Variants in FAM13A observed in about 807,000 individuals in gnomAD.
The protein encoded by FAM13A is protein FAM13A.
A neutral mutation model predicts 129.6 loss-of-function variants in FAM13A; 76 were observed. The observed-to-expected ratio is 0.59, with a 90% confidence interval of 0.49 to 0.71. The LOEUF is 0.71. Ranked by LOEUF, FAM13A falls within the 30% of genes least tolerant of loss-of-function variation. FAM13A has a pLI of 0.00. For synonymous variants in FAM13A, 443 were observed against 449.9 expected, an observed-to-expected ratio of 0.98 and a Z score of 0.20; for missense variants, 1,108 against 1,249.3, an observed-to-expected ratio of 0.89 and a Z score of 1.70.
intron 21 of FAM13A, 54 bp from the exon 22 acceptor site, chr4:88,732,252 T>G (rs1737989271): frequency 7.7e-7 from 1 of 1,293,282 alleles, no homozygotes; most frequent in Non-Finnish European, 1.1e-6. Flanking sequence ...GGGGCAGACT[T>G]TCATTACAAG....
intron 1 of FAM13A, among the ~76,000 whole-genome samples, chr4:89,046,608 G>A (rs1232471689): frequency 6.6e-6 from 1 of 152,168 alleles, no homozygotes; most frequent in Non-Finnish European, 1.5e-5. Flanking sequence ...CTAGTGCTTT[G>A]GGAGGCCAAG....
chr4:88,852,959 C>A (rs573455353), intron 6 of FAM13A, among the ~76,000 whole-genome samples: 1 of 152,048 alleles, frequency 6.6e-6, no homozygotes, highest in Non-Finnish European at 1.5e-5. Context: ...AAACAACACA[C>A]GCAAACAAAA....
intron 7 of FAM13A, among the ~76,000 whole-genome samples, chr4:88,844,868 C>G (rs1447249753): frequency 6.6e-6 from 1 of 152,066 alleles, no homozygotes; most frequent in East Asian, 1.9e-4. Context: ...CTGGCTATGA[C>G]TGGATGACAG....
At chr4:88,938,312 T>C (rs1199176346) in intron 4 of FAM13A, 71 bp from the exon 5 acceptor site, 4 of 1,238,168 alleles carry the variant, frequency 3.2e-6, no homozygotes, top group African/African-American at 3.0e-5. Context: ...GACTCAGACT[T>C]GTATTTTGAA....
chr4:89,032,122 T>G (rs1006179723), intron 1 of FAM13A, among the ~76,000 whole-genome samples: 1 of 152,008 alleles, frequency 6.6e-6, no homozygotes, highest in Non-Finnish European at 1.5e-5. Context: ...TGGGCACCTG[T>G]AGTCCCAGCA....
intron 2 of FAM13A, among the ~76,000 whole-genome samples, chr4:89,021,999 G>A (rs1479454656): frequency 6.6e-6 from 1 of 152,172 alleles, no homozygotes; most frequent in African/African-American, 2.4e-5. Flanking sequence ...TCAGGCAGTA[G>A]AGGACTTTGA....
chr4:88,745,829 C>A (rs558698457), intron 19 of FAM13A, among the ~76,000 whole-genome samples: 1 of 151,752 alleles, frequency 6.6e-6, no homozygotes, highest in Admixed American at 6.6e-5. Flanking sequence ...GACAGGCCAG[C>A]AGAAGAATCA....
chr4:88,749,099 G>A (rs562025547), intron 16 of FAM13A, 66 bp from the exon 17 acceptor site: 2 of 1,196,488 alleles, frequency 1.7e-6, no homozygotes, highest in East Asian at 4.7e-5. Context: ...AGTGTTTGAT[G>A]ATCATTTTTG....
chr4:88,937,889 C>G (rs1314244107), intron 5 of FAM13A, 199 bp downstream of exon 5: 1 of 573,584 alleles, frequency 1.7e-6, no homozygotes. Context: ...CATAAAATTG[C>G]TATTATTCTT....
chr4:88,943,501 T>G (rs192264320), intron 4 of FAM13A, among the ~76,000 whole-genome samples: 1 of 152,372 alleles, frequency 6.6e-6, no homozygotes. Flanking sequence ...TATATCATTA[T>G]TATAAAGGAT....
chr4:88,971,213 G>C (rs1760041338), intron 4 of FAM13A, among the ~76,000 whole-genome samples: 1 of 152,074 alleles, frequency 6.6e-6, no homozygotes, highest in African/African-American at 2.4e-5. Flanking sequence ...GTGAGACTCT[G>C]CCTCAAAAAG....
intron 7 of FAM13A, among the ~76,000 whole-genome samples, chr4:88,814,711 C>T (rs900559977): frequency 1.3e-5 from 2 of 152,116 alleles, no homozygotes; most frequent in African/African-American, 4.8e-5. Context: ...CTGCAAAATA[C>T]TGGTATCTAT....
At chr4:88,913,383 G>A (rs1284685288) in intron 5 of FAM13A, among the ~76,000 whole-genome samples, 1 of 146,104 alleles carries the variant, frequency 6.8e-6, no homozygotes, top group Non-Finnish European at 1.5e-5. Flanking sequence ...AAGAGGAGGA[G>A]GAGGAGGAAG....
At position 88,938,238 on chromosome 4, in the gene FAM13A, C is replaced by A. The variant is rs1413407057; in HGVS notation, c.609G>T (p.Val203=). The A allele has an allele frequency of 1.2e-6, 2 of 1,600,644 alleles. No homozygotes were observed. The highest frequency in any genetic ancestry group is 1.7e-6 in the Non-Finnish European group (2 of 1,175,336). ...ATVFGPNCFH[V]PPGLEGMKEQ... ...CCTTCATGCCTTCAAGCCCAGGTGG[C>A]ACACTAGAAACAAGAAAGGGAAAGA... Residue 203 remains valine (V), a synonymous_variant, in exon 5 of 24, where the codon GTG becomes GTT. Coordinates refer to ENST00000264344, the MANE Select transcript of FAM13A (RefSeq NM_014883.4).
intron 6 of FAM13A, chr4:88,855,226 C>A (rs1473297305): frequency 1.3e-5 from 2 of 151,978 alleles, no homozygotes; most frequent in Non-Finnish European, 2.9e-5. Context: ...TTTCTTTTTT[C>A]TTTTTTGGGT....
intron 5 of FAM13A, among the ~76,000 whole-genome samples, chr4:88,932,957 A>G (rs1753280110): frequency 6.6e-6 from 1 of 152,226 alleles, no homozygotes; most frequent in African/African-American, 2.4e-5. Context: ...TTAACATATA[A>G]TCAGCACTCC....
intron 8 of FAM13A, among the ~76,000 whole-genome samples, chr4:88,801,966 A>G (rs1046941145): frequency 6.6e-6 from 1 of 152,092 alleles, no homozygotes; most frequent in Non-Finnish European, 1.5e-5. Context: ...TAGAGCAGCA[A>G]CAGATCCTAG....
At chr4:88,965,569 A>T (rs1387149833) in intron 4 of FAM13A, among the ~76,000 whole-genome samples, 1 of 131,768 alleles carries the variant, frequency 7.6e-6, no homozygotes, top group African/African-American at 2.8e-5. Flanking sequence ...AGTTTTTTTA[A>T]GTTAAAAAAA....
intron 6 of FAM13A, among the ~76,000 whole-genome samples, chr4:88,857,724 T>A (rs1347526177): frequency 1.3e-5 from 2 of 152,016 alleles, no homozygotes; most frequent in Non-Finnish European, 2.9e-5. Context: ...ACTCCTTAGT[T>A]CTTTGTTTTC....
Sources: gnomAD v4.1 joint callset for allele counts (sites outside exome capture counted in the v4.1 genomes callset) on GRCh38, gnomAD v4.1.1 for gene constraint, MANE v1.5 for transcripts, NCBI Gene and HGNC (gene_info 2026-07-23, HGNC 2026-07-21) for gene names.